PDE4B: variants seen among roughly 807,000 people sequenced by gnomAD.
PDE4B encodes phosphodiesterase 4B.
A neutral mutation model predicts 82.2 loss-of-function variants in PDE4B; 20 were observed. That is an observed-to-expected ratio of 0.24 (90% confidence interval 0.17 to 0.35). PDE4B has a LOEUF of 0.35. PDE4B is among the 10% of genes least tolerant of loss of function. PDE4B has a pLI of 1.00. For synonymous variants in PDE4B, 320 were observed against 318.9 expected (o/e 1.00, Z -0.04); for missense variants, 655 against 907.2 (o/e 0.72, Z 3.57).
rs564181708 is a variant in PDE4B, at chr1:65,838,258, A to G, written c.-71+45010A>G. Among the ~76,000 whole-genome samples the G allele has an allele frequency of 4.6e-5, 7 of 152,112 alleles. No individual in the cohort carries two copies. In the South Asian group the frequency reaches 1.2e-3, roughly 27 times the overall value. ...AAAATATTTCACTAATGCATTTGTT[A>G]TTTTGTGTTCTAGATCATCAAAAAA... On this transcript the variant is annotated intron_variant, in intron 1 of 16. Coordinates refer to ENST00000341517, the MANE Select transcript of PDE4B (RefSeq NM_002600.4).
intron 3 of PDE4B, among the ~76,000 whole-genome samples, chr1:66,236,408 T>C (rs1652457270): frequency 1.3e-5 from 2 of 152,178 alleles, no homozygotes; most frequent in African/African-American, 2.4e-5. Context: ...TCACTTATCT[T>C]TTAAAGAGAT....
chr1:65,830,630 A>G (rs1445672938), intron 1 of PDE4B, among the ~76,000 whole-genome samples: 1 of 152,198 alleles, frequency 6.6e-6, no homozygotes, highest in East Asian at 1.9e-4. Context: ...TACAAAATAC[A>G]TGAAAGCTAC....
intron 7 of PDE4B, among the ~76,000 whole-genome samples, chr1:66,318,276 G>A (rs1443045437): frequency 1.3e-5 from 2 of 152,144 alleles, no homozygotes; most frequent in Non-Finnish European, 2.9e-5. Flanking sequence ...CTATAAAACA[G>A]GGATAATAAC....
chr1:66,152,910 A>C (rs573351350), intron 3 of PDE4B, among the ~76,000 whole-genome samples: 1 of 152,286 alleles, frequency 6.6e-6, no homozygotes, highest in African/African-American at 2.4e-5. Context: ...TCAGCTGAGC[A>C]GGAGACCCCA....
At chr1:66,198,141 G>C (rs2101513530) in intron 3 of PDE4B, among the ~76,000 whole-genome samples, 1 of 152,176 alleles carries the variant, frequency 6.6e-6, no homozygotes, top group Non-Finnish European at 1.5e-5. Context: ...TTTGAATCTG[G>C]AGACTTAAGA....
chr1:66,370,185 A>T (rs1174822819), intron 16 of PDE4B, among the ~76,000 whole-genome samples: 2 of 151,386 alleles, frequency 1.3e-5, no homozygotes, highest in African/African-American at 2.4e-5. Context: ...AAAAGAAAGA[A>T]ATCTGTGAAA....
intron 3 of PDE4B, among the ~76,000 whole-genome samples, chr1:66,159,188 C>G (rs1271308249): frequency 6.6e-6 from 1 of 151,958 alleles, no homozygotes; most frequent in African/African-American, 2.4e-5. Context: ...ATTGGAACAT[C>G]ACACTTACCC....
At chr1:66,326,374 C>T (rs1659755019) in intron 7 of PDE4B, among the ~76,000 whole-genome samples, 1 of 152,210 alleles carries the variant, frequency 6.6e-6, no homozygotes, top group African/African-American at 2.4e-5. Flanking sequence ...CTTCAAGTCC[C>T]TCCTGGTCAC....
chr1:66,032,415 C>T (rs1398850549), intron 3 of PDE4B, among the ~76,000 whole-genome samples: 2 of 152,112 alleles, frequency 1.3e-5, no homozygotes, highest in African/African-American at 2.4e-5. Context: ...TATAAAGACA[C>T]ATATAAAGTG....
chr1:66,354,644 G>C, intron 8 of PDE4B: 1 of 1,386,600 alleles, frequency 7.2e-7, no homozygotes, highest in African/African-American at 1.5e-5. Flanking sequence ...GGGAGCATAG[G>C]CTTCTTGCAA....
chr1:65,813,914 C>G (rs963064947), intron 1 of PDE4B, among the ~76,000 whole-genome samples: 3 of 84,526 alleles, frequency 3.5e-5, no homozygotes, highest in Non-Finnish European at 7.7e-5. Flanking sequence ...AAAAAAAAAA[C>G]AACAGTTGAG....
At chr1:66,149,998 T>C in intron 3 of PDE4B, among the ~76,000 whole-genome samples, 1 of 152,240 alleles carries the variant, frequency 6.6e-6, no homozygotes, top group East Asian at 1.9e-4. Context: ...TCACCATTTG[T>C]TGAAAAGACT....
At chr1:66,009,932 T>G (rs895282988) in intron 3 of PDE4B, among the ~76,000 whole-genome samples, 6 of 147,424 alleles carry the variant, frequency 4.1e-5, no homozygotes, top group African/African-American at 1.6e-4. Flanking sequence ...TATCTATCTA[T>G]CTATCTATCT....
At chr1:65,832,750 C>G (rs1225362818) in intron 1 of PDE4B, among the ~76,000 whole-genome samples, 1 of 152,096 alleles carries the variant, frequency 6.6e-6, no homozygotes, top group African/African-American at 2.4e-5. Context: ...CTGACAAGTT[C>G]AATCAGTGGT....
chr1:66,279,705 A>C (rs571760790), intron 7 of PDE4B, among the ~76,000 whole-genome samples: 4 of 152,360 alleles, frequency 2.6e-5, no homozygotes, highest in Admixed American at 2.6e-4. Flanking sequence ...ATTCACTTTA[A>C]GAATTTGGCT....
intron 1 of PDE4B, among the ~76,000 whole-genome samples, chr1:65,800,947 A>G (rs1645687602): frequency 6.6e-6 from 1 of 152,214 alleles, no homozygotes; most frequent in Non-Finnish European, 1.5e-5. Flanking sequence ...TTGGCTGAAT[A>G]TCAATTCATC....
intron 2 of PDE4B, among the ~76,000 whole-genome samples, 171 bp from the exon 3 acceptor site, chr1:65,918,426 T>G (rs887179149): frequency 6.6e-6 from 1 of 152,198 alleles, no homozygotes; most frequent in African/African-American, 2.4e-5. Flanking sequence ...AGAATCAGCC[T>G]CTTCTATTGT....
At chr1:65,837,458 A>G (rs1646152992) in intron 1 of PDE4B, among the ~76,000 whole-genome samples, 1 of 152,136 alleles carries the variant, frequency 6.6e-6, no homozygotes, top group Admixed American at 6.5e-5. Flanking sequence ...AAATACAAAA[A>G]TTAGTCAGGT....
At chr1:66,179,407 A>G (rs964359390) in intron 3 of PDE4B, among the ~76,000 whole-genome samples, 1 of 152,202 alleles carries the variant, frequency 6.6e-6, no homozygotes, top group African/African-American at 2.4e-5. Flanking sequence ...TAGGAAGTGA[A>G]CACAGAAACA....
Sources: allele counts gnomAD v4.1 joint callset (sites outside exome capture counted in the v4.1 genomes callset), GRCh38; gene constraint gnomAD v4.1.1; transcripts MANE v1.5; gene names NCBI Gene and HGNC (gene_info 2026-07-23, HGNC 2026-07-21).